The following RNF10 variants were observed in gnomAD, a reference collection of about 807,000 sequenced individuals.
The protein encoded by RNF10 is E3 ubiquitin-protein ligase RNF10.
In RNF10, 38 loss-of-function variants were observed where a neutral mutation model predicts 91.4. The ratio of observed to expected loss-of-function variants is 0.42; its 90% CI spans 0.32 to 0.54. The LOEUF is 0.54. Among genes scored for constraint, RNF10 ranks in the 20% least tolerant of loss-of-function variants. The pLI, the probability that RNF10 is intolerant of heterozygous loss-of-function variation, is 0.16. For missense variants in RNF10, 945 were observed against 1,012.0 expected (o/e 0.93, Z 0.90); for synonymous variants, 364 against 366.3 (o/e 0.99, Z 0.07).
In RNF10 at chr12:120,534,681, A is replaced by G; in HGVS notation, c.-131A>G. 7.2e-7 allele frequency: 1 copy of G among 1,380,626 alleles called. No homozygotes were observed. The highest frequency in any genetic ancestry group is 9.3e-7 in the Non-Finnish European group (1 of 1,076,742). 85.5% of individuals were successfully genotyped at this position (1,380,626 alleles called of 1,614,324 possible). A position where few individuals can be genotyped will look rare whatever the true frequency, so the allele number is the denominator to read the frequency against. ...AGTTTGAGAAGCCAAGGAAGGAAAC[A>G]GGGAAAAATGTCGCCATGAAGGCCG... On this transcript the variant is annotated 5_prime_UTR_variant, in exon 1 of 17. Coordinates refer to ENST00000325954, the MANE Select transcript of RNF10 (RefSeq NM_014868.5).
At chr12:120,559,652 G>T (rs1460671755) in intron 6 of RNF10, among the ~76,000 whole-genome samples, 2 of 150,130 alleles carry the variant, frequency 1.3e-5, no homozygotes, top group African/African-American at 4.9e-5. Context: ...CAAAGTGCTG[G>T]GATTACAGGT....
At chr12:120,543,259 G>T (rs915675665) in intron 1 of RNF10, among the ~76,000 whole-genome samples, 1 of 152,182 alleles carries the variant, frequency 6.6e-6, no homozygotes, top group Non-Finnish European at 1.5e-5. Context: ...AGTTATATCA[G>T]AATCTTAGAG....
intron 3 of RNF10, among the ~76,000 whole-genome samples, chr12:120,553,038 G>GTTT (rs3049493): frequency 1.1e-5 from 1 of 90,938 alleles, no homozygotes; most frequent in African/African-American, 4.3e-5. Context: ...AAGAGGAAAG[G>GTTT]TTTTTTTTTT....
At chr12:120,565,560 C>T in intron 12 of RNF10, 31 bp downstream of exon 12, 1 of 1,568,366 alleles carries the variant, frequency 6.4e-7, no homozygotes, top group Non-Finnish European at 8.8e-7. Context: ...CTTTGACTAG[C>T]ACTGCTGTAC....
At chr12:120,543,703 G>A (rs1237991490) in intron 1 of RNF10, among the ~76,000 whole-genome samples, 2 of 152,190 alleles carry the variant, frequency 1.3e-5, no homozygotes, top group African/African-American at 2.4e-5. Flanking sequence ...GGGGGGCTGA[G>A]GCAGGAGGAT....
At position 120,565,092 on chromosome 12, in the gene RNF10, A is replaced by T; in HGVS notation, c.1686A>T (p.Arg562Ser). Residue 562 changes from arginine to serine, a missense_variant, in exon 11 of 17, where the codon AGA becomes AGT. Transcript: ENST00000325954. ...TGTAGGATGTTCGACAGCGTCACAG[A>T]TATCTCTCTCACTTGCCACTCACCT... Reference protein sequence around the residue: ...SMSEDVRQRHRYLSHLPLTCE... With the variant: ...SMSEDVRQRHSYLSHLPLTCE... The T allele has an allele frequency of 9.3e-6, 15 of 1,613,676 alleles. No homozygotes were observed. Among genetic ancestry groups the T allele is most frequent in the Non-Finnish European group, 1.3e-5 (15 of 1,179,596 alleles).
chr12:120,550,408 ATG>A (rs1872869902), intron 2 of RNF10, among the ~76,000 whole-genome samples: 1 of 151,990 alleles, frequency 6.6e-6, no homozygotes, highest in Admixed American at 6.6e-5. Flanking sequence ...AAGGTTGAGA[ATG>A]TGGAGGATTT....
chr12:120,571,233 G>A lies in RNF10; in HGVS notation c.2084G>A (p.Ser695Asn). The change falls in exon 14 of 17, where the codon AGT becomes AAT. Residue 695 changes from serine (S) to asparagine (N), a missense_variant. Transcript: ENST00000325954. ...TPLSPTASQG[S>N]PSFCVGSLEE... ...CTGTCACCCACTGCCAGTCAGGGCA[G>A]TCCCTCATTCTGCGTTGGGAGTCTG... 8 of 1,614,052 alleles carry A rather than the reference G, an allele frequency of 5.0e-6. No homozygotes were observed. The highest frequency in any genetic ancestry group is 6.8e-6 in the Non-Finnish European group (8 of 1,179,982).
rs370508067 is a variant in RNF10 at position 120,544,977 on chromosome 12, T to C, written c.158-1428T>C. 1.1e-4 allele frequency among the ~76,000 whole-genome samples: 16 copies of C among 152,328 alleles called. No homozygotes were observed. In the East Asian group the frequency reaches 2.1e-3, roughly 20 times the overall value. Reference sequence around the variant, plus strand: ...TCTGAAGACTAGGGATGCATAAAAATGCTCACAGAGTAGTAAGCAGAAAAC... The same window carrying C: ...TCTGAAGACTAGGGATGCATAAAAACGCTCACAGAGTAGTAAGCAGAAAAC... On this transcript the variant is annotated intron_variant, in intron 1 of 16. Transcript: ENST00000325954.
chr12:120,566,685 C>G (rs1409827834), intron 12 of RNF10, 140 bp from the exon 13 acceptor site: 8 of 778,988 alleles, frequency 1.0e-5, no homozygotes, highest in Non-Finnish European at 1.6e-5. Context: ...TCGCTTGAGC[C>G]TGGGAGGCAG....
intron 1 of RNF10, among the ~76,000 whole-genome samples, chr12:120,543,176 G>T (rs1196734891): frequency 1.3e-5 from 2 of 152,210 alleles, no homozygotes; most frequent in Non-Finnish European, 2.9e-5. Flanking sequence ...TACTTACCAA[G>T]AAATAATTTT....
intron 3 of RNF10, among the ~76,000 whole-genome samples, chr12:120,553,323 C>T (rs1433854710): frequency 2.7e-5 from 4 of 150,590 alleles, no homozygotes; most frequent in Non-Finnish European, 5.9e-5. Context: ...CTCCTGACCT[C>T]GTGATCCACC....
At position 120,565,185 on chromosome 12, in the gene RNF10, C is replaced by A; in HGVS notation, c.1779C>A (p.Phe593Leu). 1.3e-6 allele frequency: 2 copies of A among 1,595,646 alleles called. No individual in the cohort carries two copies. The highest frequency in any genetic ancestry group is 1.7e-5 in the Admixed American group (1 of 59,966). The change falls in exon 11 of 17, where the codon TTC (phenylalanine) becomes TTA (leucine). Residue 593 changes from phenylalanine (F) to leucine (L), a missense_variant. Phe to Leu is a conservative substitution (Grantham distance 22, BLOSUM62 0). Transcript: ENST00000325954. Reference protein sequence around the residue: ...PVVSKETLEMFSDDIEKRKRQ... With the variant: ...PVVSKETLEMLSDDIEKRKRQ... ...TCTCTAAGGAAACCCTAGAGATGTT[C>A]TCAGGTGAGAATGCCCCTGCTCTGC...
chr12:120,562,267 C>CT lies in RNF10; in HGVS notation c.1129-675dup, dbSNP rs1174061958. On this transcript the variant is annotated intron_variant, in intron 7 of 16. Coordinates refer to ENST00000325954, the MANE Select transcript of RNF10 (RefSeq NM_014868.5). ...CGATATTTGGTTTTTCTTTTTCTTT[C>CT]TTTCTTTTTTTTTTTTTTTTTTTTG... is the stretch of plus-strand genomic sequence containing the variant. Among the ~76,000 whole-genome samples the CT allele has an allele frequency of 8.1e-3, 828 of 102,076 alleles. 29 individuals carry two copies. The highest frequency in any genetic ancestry group is 0.015 in the African/African-American group (471 of 30,708). 67.0% of individuals were successfully genotyped at this position (102,076 alleles called of 152,430 possible).
intron 1 of RNF10, among the ~76,000 whole-genome samples, chr12:120,538,439 T>C (rs1450366184): frequency 6.6e-6 from 1 of 152,236 alleles, no homozygotes; most frequent in Non-Finnish European, 1.5e-5. Flanking sequence ...TCTTGATCTT[T>C]CCGGCTAGAG....
intron 13 of RNF10, among the ~76,000 whole-genome samples, chr12:120,567,936 A>G (rs1022983835): frequency 1.9e-4 from 28 of 150,946 alleles, no homozygotes; most frequent in African/African-American, 6.6e-4. Context: ...AAGGCAGGGG[A>G]GGAAATAAAA....
chr12:120,537,940 G>A (rs895221510), intron 1 of RNF10, among the ~76,000 whole-genome samples: 2 of 152,186 alleles, frequency 1.3e-5, no homozygotes, highest in Non-Finnish European at 2.9e-5. Flanking sequence ...CCTTAGGAAC[G>A]TAACAGCTAA....
chr12:120,557,178 T>C (rs903455470), intron 4 of RNF10, 104 bp from the exon 5 acceptor site: 4 of 943,244 alleles, frequency 4.2e-6, no homozygotes, highest in Non-Finnish European at 6.7e-6. Flanking sequence ...TGTACGGGGA[T>C]AGAGATGAGA....
Position 120,534,942 on chromosome 12 carries a change from C to T in RNF10, c.131C>T (p.Pro44Leu), listed in dbSNP as rs1266642334. 4 of 1,601,958 alleles carry T rather than the reference C, an allele frequency of 2.5e-6. No homozygotes were observed. Among genetic ancestry groups the T allele is most frequent in the Non-Finnish European group, 2.5e-6 (3 of 1,179,170 alleles). The part of the protein sequence containing the change: ...QQPPRSASAG[P>L]AGESKPKSDG... Reference sequence around the variant, plus strand: ...CCGCCCCGCTCCGCCTCGGCGGGGCCAGCCGGCGAGTCTAAACCCAAGAGC... The same window carrying T: ...CCGCCCCGCTCCGCCTCGGCGGGGCTAGCCGGCGAGTCTAAACCCAAGAGC... Residue 44 changes from proline to leucine, a missense_variant, in exon 1 of 17, where the codon CCA (proline) becomes CTA (leucine). Transcript: ENST00000325954.
Sources: allele counts gnomAD v4.1 joint callset (sites outside exome capture counted in the v4.1 genomes callset), GRCh38; gene constraint gnomAD v4.1.1; transcripts MANE v1.5; gene names NCBI Gene and HGNC (gene_info 2026-07-23, HGNC 2026-07-21).